The following WDR25 variants were observed in gnomAD, a reference collection of about 807,000 sequenced individuals.
The protein encoded by WDR25 is WD repeat-containing protein 25.
Under a neutral mutation model 47.7 loss-of-function variants are expected in WDR25, and 35 were observed. The observed-to-expected ratio is 0.73, with a 90% CI of 0.56 to 0.97. The LOEUF is 0.97. Among genes scored for constraint, WDR25 ranks in the 50% least tolerant of loss-of-function variants. WDR25 has a pLI of 0.00. For synonymous variants in WDR25, 248 were observed against 278.9 expected (o/e 0.89, Z 1.10); for missense variants, 634 against 704.7 (o/e 0.90, Z 1.14).
At chr14:100,472,493 G>A (rs189985413) in intron 3 of WDR25, among the ~76,000 whole-genome samples, 21 of 152,374 alleles carry the variant, frequency 1.4e-4, no homozygotes, top group East Asian at 1.2e-3. Flanking sequence ...AATGCCTGGC[G>A]TGTGGTAGGT....
chr14:100,512,340 C>A (rs1203211261), intron 4 of WDR25, among the ~76,000 whole-genome samples: 1 of 152,146 alleles, frequency 6.6e-6, no homozygotes, highest in Non-Finnish European at 1.5e-5. Context: ...TTGTGCCTTT[C>A]AAGAAATTTG....
At chr14:100,444,765 C>G (rs572355987) in intron 2 of WDR25, among the ~76,000 whole-genome samples, 1 of 152,380 alleles carries the variant, frequency 6.6e-6, no homozygotes, top group African/African-American at 2.4e-5. Flanking sequence ...TCGTCCTCCT[C>G]ACGTCCTTAG....
chr14:100,517,863 A>G (rs73351044), intron 4 of WDR25, among the ~76,000 whole-genome samples: 6,102 of 152,198 alleles, frequency 0.04, 369 homozygotes, highest in African/African-American at 0.14. Flanking sequence ...AACAAAACAA[A>G]CAAAACAAAC....
At chr14:100,496,118 C>G (rs1900721932) in intron 4 of WDR25, among the ~76,000 whole-genome samples, 1 of 152,166 alleles carries the variant, frequency 6.6e-6, no homozygotes, top group South Asian at 2.1e-4. Flanking sequence ...AGCACTTGTT[C>G]TTACTTGTCT....
chr14:100,510,332 G>A (rs1028303653), intron 4 of WDR25, among the ~76,000 whole-genome samples: 3 of 151,796 alleles, frequency 2.0e-5, no homozygotes, highest in African/African-American at 7.3e-5. Context: ...GCAGTGGCAC[G>A]ATCATGGCTC....
chr14:100,489,494 T>C (rs1900492740), intron 4 of WDR25, among the ~76,000 whole-genome samples: 1 of 152,240 alleles, frequency 6.6e-6, no homozygotes, highest in Non-Finnish European at 1.5e-5. Flanking sequence ...TTTTGTAATA[T>C]GAATCAGATT....
At chr14:100,519,192 T>C (rs1195534128) in intron 4 of WDR25, among the ~76,000 whole-genome samples, 1 of 152,140 alleles carries the variant, frequency 6.6e-6, no homozygotes, top group East Asian at 1.9e-4. Flanking sequence ...TATTGACTTT[T>C]CAGAGTCTTC....
At position 100,440,025 on chromosome 14, in the gene WDR25, TA is replaced by T. The variant is rs1218471797; in HGVS notation, c.823-27994del. The stretch of plus-strand genomic sequence containing the variant: ...ACTTGTCAAGGAAAGGATCCATTGT[TA>T]AGAAACAAACATGGGAAACTGTCAT... On this transcript the variant is annotated intron_variant, in intron 2 of 6. Transcript: ENST00000402312. The surrounding 1 kb of genome is among the most constrained non-coding windows in gnomAD (Gnocchi z 4.4). Among the ~76,000 whole-genome samples the T allele has an allele frequency of 6.6e-6, 1 of 152,144 alleles. No individual in the cohort carries two copies. The highest frequency in any genetic ancestry group is 1.5e-5 in the Non-Finnish European group (1 of 68,016).
intron 2 of WDR25, chr14:100,406,801 AGTG>A (rs1897551560): frequency 1.3e-5 from 2 of 152,356 alleles, no homozygotes; most frequent in African/African-American, 4.8e-5. Context: ...TGAAAGAGTG[AGTG>A]AGTGAATGAA....
intron 3 of WDR25, among the ~76,000 whole-genome samples, chr14:100,472,740 A>G (rs1024489990): frequency 6.6e-6 from 1 of 152,188 alleles, no homozygotes; most frequent in Non-Finnish European, 1.5e-5. Flanking sequence ...TTCTCCCAGC[A>G]TCTCCTCCAC....
chr14:100,383,894 G>A (rs1029095515), intron 2 of WDR25, among the ~76,000 whole-genome samples: 9 of 152,222 alleles, frequency 5.9e-5, no homozygotes, highest in African/African-American at 1.9e-4. Context: ...GCTTGGAATG[G>A]CAGTGAGGGT....
At chr14:100,489,274 G>C (rs1900485679) in intron 4 of WDR25, among the ~76,000 whole-genome samples, 1 of 152,228 alleles carries the variant, frequency 6.6e-6, no homozygotes, top group Non-Finnish European at 1.5e-5. Context: ...TGAGTCTCTT[G>C]CATTTCCAGC....
chr14:100,518,852 C>A (rs1901599362), intron 4 of WDR25, among the ~76,000 whole-genome samples: 1 of 151,752 alleles, frequency 6.6e-6, no homozygotes, highest in African/African-American at 2.4e-5. Context: ...CAAGATCGTG[C>A]CACTGCATGC....
chr14:100,471,242 G>A (rs1899822322), intron 3 of WDR25, among the ~76,000 whole-genome samples: 1 of 152,154 alleles, frequency 6.6e-6, no homozygotes, highest in African/African-American at 2.4e-5. Flanking sequence ...TCTATCCTCT[G>A]GCCAGGGCTG....
chr14:100,451,596 G>A (rs1027707182), intron 2 of WDR25, among the ~76,000 whole-genome samples: 2 of 152,186 alleles, frequency 1.3e-5, no homozygotes, highest in African/African-American at 4.8e-5. Flanking sequence ...GTCTTGATTT[G>A]GAAAGGTGCT....
intron 2 of WDR25, among the ~76,000 whole-genome samples, chr14:100,417,350 A>G (rs1478422563): frequency 6.6e-6 from 1 of 152,248 alleles, no homozygotes; most frequent in Non-Finnish European, 1.5e-5. Context: ...TCAGTCTCCC[A>G]GCCACTCAGG....
chr14:100,503,357 G>A (rs187963341), intron 4 of WDR25, among the ~76,000 whole-genome samples: 7 of 152,266 alleles, frequency 4.6e-5, no homozygotes, highest in East Asian at 3.9e-4. Context: ...TTATTAAAGC[G>A]CGCCATCTTT....
At chr14:100,491,943 G>A (rs1006380838) in intron 4 of WDR25, among the ~76,000 whole-genome samples, 1 of 152,228 alleles carries the variant, frequency 6.6e-6, no homozygotes, top group Non-Finnish European at 1.5e-5. Flanking sequence ...AGGTTCAGCT[G>A]TCTGTGCAGG....
At position 100,473,277 on chromosome 14, in the gene WDR25, T is replaced by C. The variant is rs529562363; in HGVS notation, c.970+5109T>C. ...GTGACTCCTCCTGTGAGAGGAGTGTTTTTAATCCCATTTCATGGACCCAGA... is the reference window on the plus strand; with the variant it reads ...GTGACTCCTCCTGTGAGAGGAGTGTCTTTAATCCCATTTCATGGACCCAGA... On this transcript the variant is annotated intron_variant, in intron 3 of 6. Transcript: ENST00000402312. Among the ~76,000 whole-genome samples the C allele has an allele frequency of 9.9e-5, 15 of 152,234 alleles. No individual in the cohort carries two copies. The East Asian group carries it at 2.9e-3, about 29-fold the overall frequency.
Sources: allele counts gnomAD v4.1 joint callset (sites outside exome capture counted in the v4.1 genomes callset), GRCh38; gene constraint gnomAD v4.1.1; non-coding constraint Gnocchi (gnomAD v3.1); transcripts MANE v1.5; gene names NCBI Gene and HGNC (gene_info 2026-07-23, HGNC 2026-07-21).